The following PDLIM4 variants were observed in gnomAD, a reference collection of about 807,000 sequenced individuals.
The protein encoded by PDLIM4 is PDZ and LIM domain protein 4.
In PDLIM4, 19 loss-of-function variants were observed where a neutral mutation model predicts 31.3. The observed-to-expected ratio is 0.61, with a 90% confidence interval of 0.42 to 0.89. PDLIM4 has a LOEUF of 0.89. Ranked by LOEUF, PDLIM4 falls within the 40% of genes least tolerant of loss-of-function variation. The probability of loss-of-function intolerance (pLI) is 0.00; values close to 1 mark genes in which losing one functional copy is unlikely to be tolerated. For synonymous variants in PDLIM4, 176 were observed against 190.1 expected (o/e 0.93, Z 0.61); for missense variants, 442 against 461.1 (o/e 0.96, Z 0.38).
chr5:132,272,715 G>C lies in PDLIM4; in HGVS notation c.*486G>C, dbSNP rs1311155137. ...GGCCGTCATCGGCACTAGCGGGTTG[G>C]GGGTGGTGGTGGGGTGCTGGCAGCC... On this transcript the variant is annotated 3_prime_UTR_variant, in exon 7 of 7. Coordinates refer to ENST00000253754, the MANE Select transcript of PDLIM4 (RefSeq NM_003687.4). 4.9e-6 allele frequency: 1 copy of C among 205,498 alleles called. No homozygotes were observed. Among genetic ancestry groups the C allele is most frequent in the Non-Finnish European group, 1.0e-5 (1 of 98,930 alleles). 12.7% of individuals were successfully genotyped at this position (205,498 alleles called of 1,614,324 possible). A position where few individuals can be genotyped will look rare whatever the true frequency, so the allele number is the denominator to read the frequency against.
At position 132,262,902 on chromosome 5, in the gene PDLIM4, T is replaced by C. The variant is rs181461197; in HGVS notation, c.245+142T>C. On this transcript the variant is annotated intron_variant, in intron 2 of 6. Coordinates refer to ENST00000253754, the MANE Select transcript of PDLIM4 (RefSeq NM_003687.4). ...CCCATCCAGGAACAGTCCCAAGGAG[T>C]AGCACTTTCATGGGGGCCTGGCAGA... 4.6e-6 allele frequency: 3 copies of C among 655,296 alleles called. No individual in the cohort carries two copies. In the Admixed American group the frequency reaches 9.5e-5, roughly 21 times the overall value. 40.6% of individuals were successfully genotyped at this position (655,296 alleles called of 1,614,324 possible).
intron 4 of PDLIM4, 76 bp from the exon 5 acceptor site, chr5:132,271,226 GC>G: frequency 6.6e-7 from 1 of 1,515,446 alleles, no homozygotes; most frequent in African/African-American, 1.4e-5. Flanking sequence ...TGACTCATAA[GC>G]CTTACCAGAC....
intron 2 of PDLIM4, 28 bp from the exon 3 acceptor site, chr5:132,266,434 CAT>C (rs1308977110): frequency 6.8e-7 from 1 of 1,472,140 alleles, no homozygotes; most frequent in Non-Finnish European, 9.5e-7. Flanking sequence ...TGGTAGGAGA[CAT>C]ATCTGACCAT....
rs1409560585 is a variant in PDLIM4 at position 132,271,019 on chromosome 5, A to G, written c.432A>G (p.Pro144=). The G allele has an allele frequency of 6.2e-7, 1 of 1,614,094 alleles. No individual in the cohort carries two copies. Among genetic ancestry groups the G allele is most frequent in the African/African-American group, 1.3e-5 (1 of 75,022 alleles). ...CATATGGACAACCCCCTCGCTTTCCAGTCCCTCACAATGGCAGCAGCGAGG... is the reference window on the plus strand; with the variant it reads ...CATATGGACAACCCCCTCGCTTTCCGGTCCCTCACAATGGCAGCAGCGAGG... ...GSPYGQPPRF[P]VPHNGSSEAT... The change falls in exon 4 of 7, where the codon CCA becomes CCG. Residue 144 remains proline (P), a synonymous_variant. Transcript: ENST00000253754.
At chr5:132,271,642 C>A (rs1042420588) in intron 5 of PDLIM4, 149 bp from the exon 6 acceptor site, 4 of 924,682 alleles carry the variant, frequency 4.3e-6, no homozygotes, top group Non-Finnish European at 7.1e-6. Flanking sequence ...CCCTCTCCAC[C>A]CCCTGTCGCT....
chr5:132,263,229 A>C (rs1266435915), intron 2 of PDLIM4, among the ~76,000 whole-genome samples: 3 of 152,194 alleles, frequency 2.0e-5, no homozygotes, highest in Non-Finnish European at 4.4e-5. Flanking sequence ...GCTTAAAGTC[A>C]CACAGAGAGG....
chr5:132,268,078 G>A (rs1315656780), intron 3 of PDLIM4, among the ~76,000 whole-genome samples: 1 of 152,092 alleles, frequency 6.6e-6, no homozygotes, highest in Non-Finnish European at 1.5e-5. Context: ...GGCCTGGGAG[G>A]CTGGCGACTG....
In PDLIM4 at chr5:132,273,245, A is replaced by G. The variant is rs140648821; in HGVS notation, c.*1016A>G. 6.6e-6 allele frequency: 1 copy of G among 152,416 alleles called. No homozygotes were observed. Among genetic ancestry groups the G allele is most frequent in the African/African-American group, 2.4e-5 (1 of 41,564 alleles). 9.4% of individuals were successfully genotyped at this position (152,416 alleles called of 1,614,324 possible). The stretch of plus-strand genomic sequence containing the variant: ...TCGGGAGAAGAAACTGACTCGTTTT[A>G]TTTAGTGCCTATTTAGCGAGCCCAG... On this transcript the variant is annotated 3_prime_UTR_variant, in exon 7 of 7. Transcript: ENST00000253754.
At chr5:132,264,277 G>A (rs755263698) in intron 2 of PDLIM4, among the ~76,000 whole-genome samples, 3 of 152,082 alleles carry the variant, frequency 2.0e-5, no homozygotes, top group Non-Finnish European at 4.4e-5. Flanking sequence ...TCCAAACCAG[G>A]CATGGATGGA....
Position 132,257,725 on chromosome 5 carries a change from C to T in PDLIM4, c.-10C>T. On this transcript the variant is annotated 5_prime_UTR_variant, in exon 1 of 7. Transcript: ENST00000253754. This position sits in a 1 kb window ranked among gnomAD's most constrained non-coding sequence, Gnocchi z 4.3. The stretch of plus-strand genomic sequence containing the variant: ...TCCGGCTCAGGCTCCGGCTGCGGCT[C>T]CAGCCCGCGATGCCCCATTCCGTGA... The T allele has an allele frequency of 1.4e-6, 2 of 1,464,758 alleles. No homozygotes were observed. The highest frequency in any genetic ancestry group is 3.0e-5 in the East Asian group (1 of 33,342). 90.7% of individuals were successfully genotyped at this position (1,464,758 alleles called of 1,614,324 possible).
At chr5:132,260,329 C>G (rs550548811) in intron 1 of PDLIM4, among the ~76,000 whole-genome samples, 21 of 152,186 alleles carry the variant, frequency 1.4e-4, no homozygotes, top group Non-Finnish European at 2.2e-4. Flanking sequence ...TGCTTAGGAG[C>G]TAGACGGATC....
At chr5:132,261,956 C>T (rs1010236269) in intron 1 of PDLIM4, among the ~76,000 whole-genome samples, 4 of 152,106 alleles carry the variant, frequency 2.6e-5, no homozygotes, top group African/African-American at 9.7e-5. Flanking sequence ...CAGAGAGGCT[C>T]CCAGAGGAAG....
Position 132,273,193 on chromosome 5 carries a change from C to T in PDLIM4, c.*964C>T, listed in dbSNP as rs1166567340. ...AGGATGTGTCCTAGACTCCGGGTCGCGTGGATCTACCCTCTAGTTTACTTG... is the reference window on the plus strand; with the variant it reads ...AGGATGTGTCCTAGACTCCGGGTCGTGTGGATCTACCCTCTAGTTTACTTG... On this transcript the variant is annotated 3_prime_UTR_variant, in exon 7 of 7. Coordinates refer to ENST00000253754, the MANE Select transcript of PDLIM4 (RefSeq NM_003687.4). 6 of 152,310 alleles carry T rather than the reference C, an allele frequency of 3.9e-5. 1 individual carries two copies. The highest frequency in any genetic ancestry group is 8.8e-5 in the Non-Finnish European group (6 of 68,042). The allele number at this position is 152,310 out of a possible 1,614,324, so 9.4% of individuals were successfully genotyped here.
chr5:132,267,830 G>A (rs1756524307), intron 3 of PDLIM4, among the ~76,000 whole-genome samples: 1 of 152,264 alleles, frequency 6.6e-6, no homozygotes, highest in South Asian at 2.1e-4. Context: ...AGGGATTCAT[G>A]GCCACATCTG....
chr5:132,261,312 C>T (rs7735891), intron 1 of PDLIM4: 52,052 of 152,232 alleles, frequency 0.34, 10,213 homozygotes, highest in Non-Finnish European at 0.45. Context: ...TTCAGAAGAA[C>T]GTTTCCTTGA....
intron 5 of PDLIM4, 157 bp downstream of exon 5, chr5:132,271,623 T>C: frequency 1.1e-6 from 1 of 937,090 alleles, no homozygotes; most frequent in South Asian, 1.4e-5. Flanking sequence ...ACGCCCTGGC[T>C]TCCCGATTCC....
At chr5:132,271,937 G>C in intron 6 of PDLIM4, 29 bp downstream of exon 6, 1 of 1,593,184 alleles carries the variant, frequency 6.3e-7, no homozygotes, top group South Asian at 1.1e-5. Context: ...TGCCCCTCCC[G>C]GACCCTAGCC....
Position 132,262,726 on chromosome 5 carries a change from G to T in PDLIM4, c.211G>T (p.Gly71Cys), listed in dbSNP as rs1341210137. ...THLEAQNRIK[G>C]CHDHLTLSVS... ...CCTGGAGGCACAGAACCGCATCAAG[G>T]GCTGCCACGATCACCTCACACTGTC... The change falls in exon 2 of 7, where the codon GGC (glycine) becomes TGC (cysteine). Residue 71 changes from glycine (G) to cysteine (C), a missense_variant. Coordinates refer to ENST00000253754, the MANE Select transcript of PDLIM4 (RefSeq NM_003687.4). 6.2e-7 allele frequency: 1 copy of T among 1,613,742 alleles called. No individual in the cohort carries two copies. Among genetic ancestry groups the T allele is most frequent in the Non-Finnish European group, 8.5e-7 (1 of 1,179,862 alleles).
At chr5:132,269,963 A>G (rs1401575787) in intron 3 of PDLIM4, among the ~76,000 whole-genome samples, 1 of 147,538 alleles carries the variant, frequency 6.8e-6, no homozygotes, top group East Asian at 1.9e-4. Context: ...TGGTAGGTGC[A>G]TATGTGTTGT....
Sources: gnomAD v4.1 joint callset for allele counts (sites outside exome capture counted in the v4.1 genomes callset) on GRCh38, gnomAD v4.1.1 for gene constraint, Gnocchi (gnomAD v3.1) non-coding constraint, MANE v1.5 for transcripts, NCBI Gene and HGNC (gene_info 2026-07-23, HGNC 2026-07-21) for gene names.